ATXN2: variants seen among roughly 807,000 people sequenced by gnomAD.
ATXN2 encodes the protein ataxin 2.
In ATXN2, 37 loss-of-function variants were observed where a neutral mutation model predicts 138.6. The observed-to-expected ratio is 0.27, with a 90% CI of 0.21 to 0.35. The LOEUF is 0.35. ATXN2 is among the 10% of genes least tolerant of loss of function. The pLI, the probability that ATXN2 is intolerant of heterozygous loss-of-function variation, is 1.00. For missense variants in ATXN2, 1,216 were observed against 1,480.3 expected (o/e 0.82, Z 2.93); for synonymous variants, 549 against 543.7 (o/e 1.01, Z -0.13).
In ATXN2 at chr12:111,534,217, C is replaced by T. The variant is rs148416922; in HGVS notation, c.572-8901G>A. On this transcript the variant is annotated intron_variant, in intron 5 of 24. Transcript: ENST00000673436. ...GAGTTCGAAACCAACCTGGGCAACACGGCAAAATCCTGTCTCTACCAAAAA... is the reference window on the plus strand; with the variant it reads ...GAGTTCGAAACCAACCTGGGCAACATGGCAAAATCCTGTCTCTACCAAAAA... Among the ~76,000 whole-genome samples the T allele has an allele frequency of 7.2e-4, 109 of 152,012 alleles. 1 individual carries two copies. In the East Asian group the frequency reaches 0.016, roughly 22 times the overall value.
chr12:111,480,259 TTACAGAC>T (rs907781479), intron 18 of ATXN2, among the ~76,000 whole-genome samples: 2 of 152,200 alleles, frequency 1.3e-5, no homozygotes, highest in African/African-American at 4.8e-5. Flanking sequence ...TGTATGTAAA[TTACAGAC>T]TAATAAAACT....
chr12:111,540,797 C>T (rs912061591), intron 5 of ATXN2, among the ~76,000 whole-genome samples: 1 of 147,746 alleles, frequency 6.8e-6, no homozygotes, highest in Non-Finnish European at 1.5e-5. Flanking sequence ...CAAATTCAAG[C>T]AATTCTCCTG....
In ATXN2 at chr12:111,518,140, A is replaced by G. The variant is rs891890685; in HGVS notation, c.1165+109T>C. On this transcript the variant is annotated intron_variant, in intron 9 of 24. Coordinates refer to ENST00000673436, the MANE Select transcript of ATXN2 (RefSeq NM_001372574.1). ...ATGCTGAAGTGAAAGCTACTCACCA[A>G]ATCATTAAAGTGCACATTCATATCA... 4.9e-6 allele frequency: 5 copies of G among 1,025,664 alleles called. No individual in the cohort carries two copies. In the Middle Eastern group the frequency reaches 7.6e-4, roughly 156 times the overall value. The allele number at this position is 1,025,664 out of a possible 1,614,324, so 63.5% of individuals were successfully genotyped here. A position where few individuals can be genotyped will look rare whatever the true frequency, so the allele number is the denominator to read the frequency against.
chr12:111,577,246 G>A (rs935569120), intron 1 of ATXN2, among the ~76,000 whole-genome samples: 4 of 150,800 alleles, frequency 2.7e-5, no homozygotes, highest in Non-Finnish European at 4.4e-5. Flanking sequence ...CACATGCACC[G>A]CATGTTTCAA....
intron 20 of ATXN2, among the ~76,000 whole-genome samples, chr12:111,467,307 CTTTTTTT>C (rs61507608): frequency 5.2e-4 from 18 of 34,826 alleles, no homozygotes; most frequent in South Asian, 2.4e-3. Flanking sequence ...CATGACTGGG[CTTTTTTT>C]TTTTTTTTTT....
intron 5 of ATXN2, among the ~76,000 whole-genome samples, chr12:111,530,399 T>C (rs980781240): frequency 1.8e-4 from 28 of 152,240 alleles, no homozygotes; most frequent in African/African-American, 6.0e-4. Flanking sequence ...CAAAAGGCTC[T>C]GGGCTTTCTA....
chr12:111,561,591 C>G (rs750093108), intron 1 of ATXN2, among the ~76,000 whole-genome samples: 1 of 151,568 alleles, frequency 6.6e-6, no homozygotes, highest in Non-Finnish European at 1.5e-5. Context: ...CCCACCACTT[C>G]AAGAGGCCAA....
intron 14 of ATXN2, among the ~76,000 whole-genome samples, chr12:111,490,235 TA>T (rs1213031916): frequency 6.6e-6 from 1 of 151,678 alleles, no homozygotes; most frequent in Non-Finnish European, 1.5e-5. Flanking sequence ...AAAAAAGTTT[TA>T]AAAAGCTACG....
rs1403718917 is a variant in ATXN2 at position 111,488,761 on chromosome 12, G to C, written c.1955C>G (p.Ser652Cys). 1.9e-6 allele frequency: 3 copies of C among 1,607,036 alleles called. No individual in the cohort carries two copies. The highest frequency in any genetic ancestry group is 2.2e-5 in the South Asian group (2 of 90,548). ...NDFRLQPSST[S>C]ESMDQLLNKN... ...GTTTAGTAGTTGATCCATAGATTCA[G>C]AAGTAGAACTTGGCTGTAACTAAAT... The change falls in exon 15 of 25, where the codon TCT becomes TGT. Residue 652 changes from serine (S) to cysteine (C), a missense_variant. Physicochemically the swap from Ser to Cys is moderately radical, Grantham distance 112 (BLOSUM62 -1). This residue lies in a region of ATXN2 where 215 missense variants were observed against 210.0 expected (regional missense o/e 1.02). Coordinates refer to ENST00000673436, the MANE Select transcript of ATXN2 (RefSeq NM_001372574.1).
rs11348701 is a variant in ATXN2 at position 111,452,429 on chromosome 12, A to ATTTTTTTTTTTTTTTTTTT, written c.*364_*382dup. ...TAGTAAAAGGGCGTTCCAAGTCTTG[A>ATTTTTTTTTTTTTTTTTTT]TTTTTTTTTTTTTTTTTTTTTAGCA... On this transcript the variant is annotated 3_prime_UTR_variant, in exon 25 of 25. Coordinates refer to ENST00000673436, the MANE Select transcript of ATXN2 (RefSeq NM_001372574.1). 7.7e-6 allele frequency: 1 copy of ATTTTTTTTTTTTTTTTTTT among 129,190 alleles called. No individual in the cohort carries two copies. Among genetic ancestry groups the ATTTTTTTTTTTTTTTTTTT allele is most frequent in the Non-Finnish European group, 1.7e-5 (1 of 60,596 alleles). 8.0% of individuals were successfully genotyped at this position (129,190 alleles called of 1,614,324 possible).
chr12:111,492,430 T>C (rs1379576682), intron 14 of ATXN2, among the ~76,000 whole-genome samples: 2 of 152,206 alleles, frequency 1.3e-5, no homozygotes, highest in African/African-American at 2.4e-5. Flanking sequence ...ACGCCTGTAA[T>C]CCCAACACTC....
Position 111,470,248 on chromosome 12 carries a change from C to A in ATXN2, c.2710-8G>T. ...ACTATAGACATGAGGATGCTGTGTT[C>A]AAACAAAAAATAAAGAAAGCACATT... On this transcript the variant is annotated splice_polypyrimidine_tract_variant and splice_region_variant and intron_variant, in intron 19 of 24. Transcript: ENST00000673436. 1 of 1,608,382 alleles carries A rather than the reference C, an allele frequency of 6.2e-7. No individual in the cohort carries two copies. The highest frequency in any genetic ancestry group is 1.7e-5 in the Admixed American group (1 of 58,466).
chr12:111,508,418 C>T (rs1217969376), intron 14 of ATXN2, among the ~76,000 whole-genome samples: 2 of 134,414 alleles, frequency 1.5e-5, no homozygotes, highest in Non-Finnish European at 3.2e-5. Context: ...TATGTGTTAA[C>T]TATTGTTTAA....
chr12:111,571,351 T>C (rs1448298886), intron 1 of ATXN2, among the ~76,000 whole-genome samples: 3 of 152,230 alleles, frequency 2.0e-5, no homozygotes, highest in Non-Finnish European at 4.4e-5. Flanking sequence ...TGGTAATCTT[T>C]TTATTCTTGT....
chr12:111,464,334 T>TC lies in ATXN2; in HGVS notation c.2896+327_2896+328insG, dbSNP rs1875832092. 5.9e-5 allele frequency among the ~76,000 whole-genome samples: 7 copies of TC among 119,636 alleles called. No individual in the cohort carries two copies. In the South Asian group the frequency reaches 1.6e-3, roughly 28 times the overall value. The allele number at this position is 119,636 out of a possible 152,430, so 78.5% of individuals were successfully genotyped here. ...CAAGCTTGTGGCTTGGGTGTGTGTG[T>TC]TTGTGTGTGTGTGTGTGTGTGTGTG... is the stretch of plus-strand genomic sequence containing the variant. On this transcript the variant is annotated intron_variant, in intron 21 of 24. Transcript: ENST00000673436.
chr12:111,599,573 A>G, upstream of ATXN2: 1 of 1,131,180 alleles, frequency 8.8e-7, no homozygotes, highest in Non-Finnish European at 1.1e-6. Context: ...GGGACTCTTT[A>G]CCGGAAGTCG....
At chr12:111,472,760 G>T (rs752278514) in intron 18 of ATXN2, among the ~76,000 whole-genome samples, 19 of 151,954 alleles carry the variant, frequency 1.3e-4, no homozygotes, top group Non-Finnish European at 2.5e-4. Flanking sequence ...TTTTAGTAGA[G>T]ACGGGGTTTC....
At position 111,457,123 on chromosome 12, in the gene ATXN2, G is replaced by A. The variant is rs142668694; in HGVS notation, c.3042+91C>T. ...CTTCACGAGGGTGGACATGCCATGTGTTCTGACGATGCGATACCTGGCACC... is the reference window on the plus strand; with the variant it reads ...CTTCACGAGGGTGGACATGCCATGTATTCTGACGATGCGATACCTGGCACC... On this transcript the variant is annotated intron_variant, in intron 22 of 24. Coordinates refer to ENST00000673436, the MANE Select transcript of ATXN2 (RefSeq NM_001372574.1). 5,665 of 1,450,664 alleles carry A rather than the reference G, an allele frequency of 3.9e-3. 32 individuals carry two copies. The highest frequency in any genetic ancestry group is 0.016 in the Middle Eastern group (73 of 4,590). The allele number at this position is 1,450,664 out of a possible 1,614,324, so 89.9% of individuals were successfully genotyped here. A position where few individuals can be genotyped will look rare whatever the true frequency, so the allele number is the denominator to read the frequency against.
At chr12:111,569,286 T>C (rs957982828) in intron 1 of ATXN2, among the ~76,000 whole-genome samples, 7 of 152,154 alleles carry the variant, frequency 4.6e-5, no homozygotes, top group Admixed American at 1.3e-4. Flanking sequence ...AGAAAAAAAA[T>C]AGTATCTTTT....
Sources: gnomAD v4.1 joint callset for allele counts (sites outside exome capture counted in the v4.1 genomes callset) on GRCh38, gnomAD v4.1.1 for gene constraint, gnomAD v4.1.1 regional missense constraint, MANE v1.5 for transcripts, NCBI Gene and HGNC (gene_info 2026-07-23, HGNC 2026-07-21) for gene names.